The following EFHC1 variants were observed in gnomAD, a reference collection of about 807,000 sequenced individuals.
EFHC1 encodes the protein EF-hand domain containing 1.
EFHC1 carries 53 observed loss-of-function variants against 69.9 expected under a neutral mutation model. The ratio of observed to expected loss-of-function variants is 0.76; its 90% CI spans 0.61 to 0.95. EFHC1 has a LOEUF of 0.95. Among genes scored for constraint, EFHC1 ranks in the 40% least tolerant of loss-of-function variants. The pLI, the probability that EFHC1 is intolerant of heterozygous loss-of-function variation, is 0.00. For missense variants in EFHC1, 739 were observed against 798.7 expected, an observed-to-expected ratio of 0.93 and a Z score of 0.90; for synonymous variants, 256 against 278.4, an observed-to-expected ratio of 0.92 and a Z score of 0.80.
At chr6:52,464,684 T>G (rs749559136) in intron 5 of EFHC1, among the ~76,000 whole-genome samples, 7 of 152,192 alleles carry the variant, frequency 4.6e-5, no homozygotes, top group Non-Finnish European at 8.8e-5. Flanking sequence ...GGAGAGAGAC[T>G]TCACAAAAAC....
chr6:52,453,585 A>T, intron 4 of EFHC1: 4 of 1,274,090 alleles, frequency 3.1e-6, no homozygotes, highest in Non-Finnish European at 4.1e-6. Context: ...TTGTATTTAA[A>T]GATTGTGTTT....
intron 7 of EFHC1, 62 bp from the exon 8 acceptor site, chr6:52,478,975 A>C: frequency 1.3e-6 from 2 of 1,518,792 alleles, no homozygotes; most frequent in South Asian, 2.2e-5. Context: ...ATAGGCATTT[A>C]AGTTGGCACA....
chr6:52,431,897 A>G (rs1197235033), intron 2 of EFHC1, among the ~76,000 whole-genome samples: 2 of 152,162 alleles, frequency 1.3e-5, no homozygotes, highest in African/African-American at 4.8e-5. Context: ...GTGCATATAT[A>G]TTTAGGATTA....
intron 2 of EFHC1, among the ~76,000 whole-genome samples, chr6:52,430,602 C>T (rs575804685): frequency 1.3e-5 from 2 of 152,042 alleles, no homozygotes; most frequent in Non-Finnish European, 2.9e-5. Flanking sequence ...TTGTTGAATT[C>T]GGTTAGCTAG....
chr6:52,456,786 G>A (rs570169003), intron 5 of EFHC1, among the ~76,000 whole-genome samples: 1 of 152,206 alleles, frequency 6.6e-6, no homozygotes, highest in East Asian at 1.9e-4. Context: ...ATGGTGGCAG[G>A]TGCCTGTAGT....
chr6:52,497,119 C>G lies in EFHC1; in HGVS notation c.*4778C>G, dbSNP rs867129963. The G allele has an allele frequency of 3.3e-4, 49 of 148,112 alleles. No homozygotes were observed. Among genetic ancestry groups the G allele is most frequent in the African/African-American group, 1.2e-3 (49 of 40,838 alleles). 9.2% of individuals were successfully genotyped at this position (148,112 alleles called of 1,614,324 possible). ...TTTCTGGAGCTTCCTACCCACAAAC[C>G]CCATGTTAAGAAAACCTCTTTTCCA... On this transcript the variant is annotated 3_prime_UTR_variant, in exon 11 of 11. Coordinates refer to ENST00000371068, the MANE Select transcript of EFHC1 (RefSeq NM_018100.4).
At chr6:52,478,920 T>C in intron 7 of EFHC1, 117 bp from the exon 8 acceptor site, 4 of 968,686 alleles carry the variant, frequency 4.1e-6, no homozygotes, top group Non-Finnish European at 6.4e-6. Flanking sequence ...TTGTTTATAT[T>C]GTAAAAACCC....
At chr6:52,422,094 C>A (rs1764203116) in intron 1 of EFHC1, among the ~76,000 whole-genome samples, 1 of 151,910 alleles carries the variant, frequency 6.6e-6, no homozygotes. Flanking sequence ...TAAAGACATG[C>A]AGATAAGAAG....
At chr6:52,457,813 C>A (rs1765077509) in intron 5 of EFHC1, among the ~76,000 whole-genome samples, 1 of 152,194 alleles carries the variant, frequency 6.6e-6, no homozygotes. Flanking sequence ...ATCTTGAACA[C>A]CCCTTAGACC....
At chr6:52,460,246 A>G (rs1265178406) in intron 5 of EFHC1, among the ~76,000 whole-genome samples, 2 of 152,244 alleles carry the variant, frequency 1.3e-5, no homozygotes, top group Non-Finnish European at 2.9e-5. Flanking sequence ...ATGAATCTCA[A>G]AGTAACTATG....
Position 52,438,289 on chromosome 6 carries a change from C to T in EFHC1, c.286-15C>T, listed in dbSNP as rs947636945. 5 of 1,609,284 alleles carry T rather than the reference C, an allele frequency of 3.1e-6. No individual in the cohort carries two copies. Among genetic ancestry groups the T allele is most frequent in the Non-Finnish European group, 4.2e-6 (5 of 1,177,628 alleles). ...GCTAATAGTACACCATTTCTCCTTT[C>T]CTTGTATGTTATAGGTACTGAAATT... On this transcript the variant is annotated splice_polypyrimidine_tract_variant and intron_variant, in intron 2 of 10. Transcript: ENST00000371068.
intron 2 of EFHC1, among the ~76,000 whole-genome samples, chr6:52,433,063 A>G (rs1764450092): frequency 6.6e-6 from 1 of 151,804 alleles, no homozygotes; most frequent in African/African-American, 2.4e-5. Flanking sequence ...ATGCTATTTC[A>G]TTGAAAAAAA....
At chr6:52,450,321 C>G (rs980047611) in intron 3 of EFHC1, among the ~76,000 whole-genome samples, 4 of 152,150 alleles carry the variant, frequency 2.6e-5, no homozygotes, top group Non-Finnish European at 5.9e-5. Context: ...AGGTCACATC[C>G]ATTTGGTCCA....
chr6:52,459,788 C>CCT (rs1490386853), intron 5 of EFHC1, among the ~76,000 whole-genome samples: 1 of 152,204 alleles, frequency 6.6e-6, no homozygotes, highest in Non-Finnish European at 1.5e-5. Context: ...CATTCTCCTG[C>CCT]CTCAGCCTCC....
At position 52,479,625 on chromosome 6, in the gene EFHC1, C is replaced by G; in HGVS notation, c.1493-15C>G. On this transcript the variant is annotated splice_polypyrimidine_tract_variant and intron_variant, in intron 8 of 10. Coordinates refer to ENST00000371068, the MANE Select transcript of EFHC1 (RefSeq NM_018100.4). ...GAACATCACCAAGCTAAGTGTGTTG[C>G]TACCTTCTCTCCAGTGTTTGGTCAC... 1 of 1,614,204 alleles carries G rather than the reference C, an allele frequency of 6.2e-7. No individual in the cohort carries two copies. The highest frequency in any genetic ancestry group is 8.5e-7 in the Non-Finnish European group (1 of 1,180,020).
chr6:52,456,648 C>T (rs1184528971), intron 5 of EFHC1, among the ~76,000 whole-genome samples: 2 of 152,062 alleles, frequency 1.3e-5, no homozygotes, highest in South Asian at 2.1e-4. Flanking sequence ...TCGCTGTGGC[C>T]GAAGCCTATA....
At chr6:52,445,065 G>GTTT (rs60349597) in intron 3 of EFHC1, among the ~76,000 whole-genome samples, 1 of 139,972 alleles carries the variant, frequency 7.1e-6, no homozygotes, top group Non-Finnish European at 1.6e-5. Context: ...AGATTTTCCA[G>GTTT]TTTTTTTTTT....
intron 10 of EFHC1, chr6:52,490,991 T>A (rs1003787648): frequency 6.6e-6 from 1 of 152,514 alleles, no homozygotes; most frequent in Non-Finnish European, 1.5e-5. Flanking sequence ...GAGACATTCT[T>A]ACTGATTAAA....
At position 52,424,122 on chromosome 6, in the gene EFHC1, C is replaced by T. The variant is rs1764253024; in HGVS notation, c.240C>T (p.Ala80=). Residue 80 remains alanine (A), a synonymous_variant, in exon 2 of 11, where the codon GCC becomes GCT. Coordinates refer to ENST00000371068, the MANE Select transcript of EFHC1 (RefSeq NM_018100.4). ...PVLTYGQPKQ[A]PPADFIPAHV... is the part of the protein sequence containing the mutation. ...TAACTTATGGCCAACCTAAACAAGC[C>T]CCACCTGCGGATTTTATTCCTGCGC... The T allele has an allele frequency of 1.9e-6, 3 of 1,613,918 alleles. No individual in the cohort carries two copies. The highest frequency in any genetic ancestry group is 2.5e-6 in the Non-Finnish European group (3 of 1,179,996).
Sources: gnomAD v4.1 joint callset for allele counts (sites outside exome capture counted in the v4.1 genomes callset) on GRCh38, gnomAD v4.1.1 for gene constraint, MANE v1.5 for transcripts, NCBI Gene and HGNC (gene_info 2026-07-23, HGNC 2026-07-21) for gene names.